UNC79: variants seen among roughly 807,000 people sequenced by gnomAD.
The protein encoded by UNC79 is protein unc-79 homolog.
In UNC79, 37 loss-of-function variants were observed where a neutral mutation model predicts 283.1. The observed-to-expected ratio is 0.13, with a 90% CI of 0.10 to 0.17. UNC79 has a LOEUF of 0.17. Ranked by LOEUF, UNC79 falls within the 10% of genes least tolerant of loss-of-function variation. The pLI is 1.00. For missense variants in UNC79, 2,272 were observed against 3,211.1 expected (o/e 0.71, Z 7.07); for synonymous variants, 1,107 against 1,200.2 (o/e 0.92, Z 1.61).
intron 33 of UNC79, among the ~76,000 whole-genome samples, chr14:93,643,061 C>T (rs1277452597): frequency 1.3e-5 from 2 of 152,216 alleles, no homozygotes; most frequent in East Asian, 1.9e-4. Flanking sequence ...ATTGTCTCCT[C>T]AGGCTTTCCA....
At chr14:93,565,176 G>A (rs981232740) in intron 14 of UNC79, among the ~76,000 whole-genome samples, 8 of 152,322 alleles carry the variant, frequency 5.3e-5, no homozygotes, top group African/African-American at 1.9e-4. Flanking sequence ...TGTAGGCTGA[G>A]CACTGTGGGG....
intron 23 of UNC79, among the ~76,000 whole-genome samples, chr14:93,595,076 C>CTTT: frequency 7.0e-6 from 1 of 142,852 alleles, no homozygotes; most frequent in Admixed American, 7.0e-5. Flanking sequence ...TCTTTCTTTC[C>CTTT]TTTTTTTTTT....
chr14:93,520,654 A>G (rs1417708243), intron 7 of UNC79, among the ~76,000 whole-genome samples: 1 of 151,852 alleles, frequency 6.6e-6, no homozygotes, highest in African/African-American at 2.4e-5. Context: ...TAGTTTTGTT[A>G]TGTCTCCTAA....
chr14:93,406,030 T>G (rs774900472), intron 1 of UNC79, among the ~76,000 whole-genome samples: 1 of 152,166 alleles, frequency 6.6e-6, no homozygotes, highest in Non-Finnish European at 1.5e-5. Context: ...TGATCACCAT[T>G]CACCTAAACT....
intron 1 of UNC79, among the ~76,000 whole-genome samples, chr14:93,443,424 C>CTTT (rs144182882): frequency 3.6e-5 from 5 of 138,860 alleles, no homozygotes; most frequent in Admixed American, 1.4e-4. Flanking sequence ...TGTCTGACTT[C>CTTT]TTTTTTTTTT....
intron 47 of UNC79, among the ~76,000 whole-genome samples, chr14:93,695,708 A>G (rs1264132112): frequency 6.6e-6 from 1 of 151,868 alleles, no homozygotes; most frequent in Non-Finnish European, 1.5e-5. Context: ...CCTGGCCAAC[A>G]TGGTGAAACA....
At chr14:93,672,046 G>A (rs1038715731) in intron 40 of UNC79, among the ~76,000 whole-genome samples, 8 of 152,142 alleles carry the variant, frequency 5.3e-5, no homozygotes, top group Non-Finnish European at 1.2e-4. Flanking sequence ...AGATCCTGGC[G>A]AGGATATGGA....
chr14:93,495,013 C>T (rs147047598), intron 5 of UNC79, among the ~76,000 whole-genome samples: 17 of 152,150 alleles, frequency 1.1e-4, no homozygotes, highest in African/African-American at 2.6e-4. Context: ...GTACCTCTTT[C>T]GTTTTATCAG....
At chr14:93,618,404 T>C in intron 29 of UNC79, 50 bp downstream of exon 30, 1 of 1,495,210 alleles carries the variant, frequency 6.7e-7, no homozygotes, top group Non-Finnish European at 8.9e-7. Flanking sequence ...ATAATAGATT[T>C]CTGGACAATG....
chr14:93,352,646 C>G (rs1271942577), intron 1 of UNC79, among the ~76,000 whole-genome samples: 1 of 152,184 alleles, frequency 6.6e-6, no homozygotes, highest in Non-Finnish European at 1.5e-5. Context: ...TTAATGAATA[C>G]TGAACTCCTA....
chr14:93,536,144 T>C (rs568959525), intron 11 of UNC79, among the ~76,000 whole-genome samples: 1 of 152,266 alleles, frequency 6.6e-6, no homozygotes, highest in South Asian at 2.1e-4. Context: ...GATACAGGGG[T>C]AGGATTACTG....
chr14:93,668,136 T>C (rs940084703), intron 40 of UNC79, among the ~76,000 whole-genome samples: 1 of 152,166 alleles, frequency 6.6e-6, no homozygotes, highest in Non-Finnish European at 1.5e-5. Flanking sequence ...TTTATCATGG[T>C]GCTGGAGGTC....
intron 5 of UNC79, among the ~76,000 whole-genome samples, chr14:93,492,654 G>A (rs1420648275): frequency 6.6e-6 from 1 of 152,132 alleles, no homozygotes; most frequent in East Asian, 1.9e-4. Flanking sequence ...ATGCCTGGCT[G>A]GACAGAGTTT....
chr14:93,486,555 G>A (rs1484796972), intron 4 of UNC79, among the ~76,000 whole-genome samples: 2 of 151,380 alleles, frequency 1.3e-5, no homozygotes, highest in African/African-American at 2.4e-5. Flanking sequence ...TCGGGAGGCC[G>A]AGGCAGGAGA....
At chr14:93,694,511 T>G (rs2074947932) in intron 47 of UNC79, 99 bp downstream of exon 50, 1 of 1,152,850 alleles carries the variant, frequency 8.7e-7, no homozygotes, top group Non-Finnish European at 1.3e-6. Flanking sequence ...AGTTTTAACA[T>G]TCAGAGTTGG....
intron 1 of UNC79, among the ~76,000 whole-genome samples, chr14:93,396,901 G>A (rs116279685): frequency 0.013 from 1,929 of 151,930 alleles, 44 homozygotes; most frequent in African/African-American, 0.044. Context: ...AGATGTGAGA[G>A]CTTAGGGCCT....
chr14:93,436,635 G>A (rs1009184940), intron 1 of UNC79, among the ~76,000 whole-genome samples: 1 of 151,692 alleles, frequency 6.6e-6, no homozygotes, highest in Non-Finnish European at 1.5e-5. Context: ...GTATTATGTT[G>A]GAAATTCATA....
chr14:93,619,449 G>A (rs1174610504), intron 29 of UNC79, among the ~76,000 whole-genome samples: 3 of 152,114 alleles, frequency 2.0e-5, no homozygotes, highest in East Asian at 1.9e-4. Context: ...TGCAAGTCAC[G>A]TAACTATTGG....
At chr14:93,526,475 A>G (rs1241324475) in intron 8 of UNC79, among the ~76,000 whole-genome samples, 6 of 152,216 alleles carry the variant, frequency 3.9e-5, no homozygotes, top group Non-Finnish European at 8.8e-5. Context: ...AATCAGTAAT[A>G]CTTATCAGAG....
Sources: allele counts gnomAD v4.1 joint callset (sites outside exome capture counted in the v4.1 genomes callset), GRCh38; gene constraint gnomAD v4.1.1; transcripts MANE v1.5; gene names NCBI Gene and HGNC (gene_info 2026-07-23, HGNC 2026-07-21).